Variants in PRKAB2 observed in about 807,000 individuals in gnomAD.
The protein encoded by PRKAB2 is protein kinase AMP-activated non-catalytic subunit beta 2.
PRKAB2 carries 18 observed loss-of-function variants against 29.8 expected under a neutral mutation model. The ratio of observed to expected loss-of-function variants is 0.60; its 90% CI spans 0.42 to 0.89. The LOEUF is 0.89. PRKAB2 is among the 40% of genes least tolerant of loss of function. PRKAB2 has a pLI of 0.00. For synonymous variants in PRKAB2, 136 were observed against 125.9 expected (o/e 1.08, Z -0.54); for missense variants, 270 against 344.3 (o/e 0.78, Z 1.71).
At position 147,161,161 on chromosome 1, in the gene PRKAB2, A is replaced by G. The variant is rs183296718; in HGVS notation, c.741+551T>C. On this transcript the variant is annotated intron_variant, in intron 7 of 7. Coordinates refer to ENST00000254101, the MANE Select transcript of PRKAB2 (RefSeq NM_005399.5). ...AAACCACAAAGACATAACAAGACAG[A>G]ACAGAATGGCTATTTCCAACCCAGA... 2.0e-5 allele frequency among the ~76,000 whole-genome samples: 3 copies of G among 152,282 alleles called. No homozygotes were observed. The East Asian group carries it at 5.8e-4, about 29-fold the overall frequency.
At position 147,172,451 on chromosome 1, in the gene PRKAB2, C is replaced by T. The variant is rs1371038875; in HGVS notation, c.-46G>A. ...CACCTCGGGCGATGCGCTCCCTCCT[C>T]CAAGGGCCACTGATGTGATGGCTGT... is the stretch of plus-strand genomic sequence containing the variant. On this transcript the variant is annotated 5_prime_UTR_variant, in exon 1 of 8. Coordinates refer to ENST00000254101, the MANE Select transcript of PRKAB2 (RefSeq NM_005399.5). 2 of 476,214 alleles carry T rather than the reference C, an allele frequency of 4.2e-6. No homozygotes were observed. Among genetic ancestry groups the T allele is most frequent in the East Asian group, 7.8e-5 (2 of 25,576 alleles). 29.5% of individuals were successfully genotyped at this position (476,214 alleles called of 1,614,324 possible).
At position 147,166,848 on chromosome 1, in the gene PRKAB2, C is replaced by T. The variant is rs1654275709; in HGVS notation, c.415G>A (p.Glu139Lys). 2 of 1,612,978 alleles carry T rather than the reference C, an allele frequency of 1.2e-6. No homozygotes were observed. The highest frequency in any genetic ancestry group is 1.7e-6 in the Non-Finnish European group (2 of 1,178,954). Residue 139 changes from glutamate to lysine, a missense_variant and splice_region_variant, in exon 4 of 8, where the codon GAG becomes AAG. Physicochemically the swap from Glu to Lys is moderately conservative, Grantham distance 56. Coordinates refer to ENST00000254101, the MANE Select transcript of PRKAB2 (RefSeq NM_005399.5). ...VDGQWVHDPSEPVVTSQLGTI... is the reference protein window; with the variant it reads ...VDGQWVHDPSKPVVTSQLGTI... ...ACCCTTGGAGATCAAGGCCTTACCT[C>T]TGATGGATCATGAACCCACTGTCCA...
chr1:147,166,950 A>C lies in PRKAB2; in HGVS notation c.324-11T>G, dbSNP rs1654281084. 2 of 1,609,002 alleles carry C rather than the reference A, an allele frequency of 1.2e-6. No individual in the cohort carries two copies. Among genetic ancestry groups the C allele is most frequent in the African/African-American group, 2.7e-5 (2 of 74,820 alleles). ...ACAAAGTCATTATGGCTACAGAAGAAAAAAGAAAGGCAAACAGGCCAAGTT... is the reference window on the plus strand; with the variant it reads ...ACAAAGTCATTATGGCTACAGAAGACAAAAGAAAGGCAAACAGGCCAAGTT... On this transcript the variant is annotated splice_polypyrimidine_tract_variant and intron_variant, in intron 3 of 7. Transcript: ENST00000254101.
intron 5 of PRKAB2, among the ~76,000 whole-genome samples, chr1:147,164,977 T>A (rs1473636806): frequency 6.6e-6 from 1 of 152,206 alleles, no homozygotes; most frequent in Non-Finnish European, 1.5e-5. Flanking sequence ...ATGCCCAATT[T>A]AACCTTCTGA....
rs1553914549 is a variant in PRKAB2, at chr1:147,172,134, G to A, written c.11C>T (p.Thr4Ile). 4 of 1,550,450 alleles carry A rather than the reference G, an allele frequency of 2.6e-6. No individual in the cohort carries two copies. Among genetic ancestry groups the A allele is most frequent in the Non-Finnish European group, 3.5e-6 (4 of 1,147,924 alleles). The change falls in exon 2 of 8, where the codon ACC becomes ATC. Residue 4 changes from threonine to isoleucine, a missense_variant. By Grantham distance (89) the Thr-to-Ile change is moderately conservative (BLOSUM62 -1). Transcript: ENST00000254101. MGN[T>I]TSDRVSGERH... ...CTCCCCGGACACCCGGTCGCTGGTG[G>A]TGTTTCCCATGGCTGCAGCTCGTCG...
At chr1:147,163,808 GT>G (rs1654094292) in intron 5 of PRKAB2, among the ~76,000 whole-genome samples, 1 of 151,942 alleles carries the variant, frequency 6.6e-6, no homozygotes, top group South Asian at 2.1e-4. Context: ...AAATTACTGA[GT>G]TGTACAATTT....
In PRKAB2 at chr1:147,160,574, T is replaced by G. The variant is rs1553912951; in HGVS notation, c.742-932A>C. Among the ~76,000 whole-genome samples, 3 of 152,184 alleles carry G rather than the reference T, an allele frequency of 2.0e-5. No individual in the cohort carries two copies. In the East Asian group the frequency reaches 5.8e-4, roughly 29 times the overall value. Reference sequence around the variant, plus strand: ...CCCGTACTGTATTATCCACCATGAATGCTTCTCGGGTTAACACTCCAGAGT... The same window carrying G: ...CCCGTACTGTATTATCCACCATGAAGGCTTCTCGGGTTAACACTCCAGAGT... On this transcript the variant is annotated intron_variant, in intron 7 of 7. Coordinates refer to ENST00000254101, the MANE Select transcript of PRKAB2 (RefSeq NM_005399.5).
rs587609105 is a variant in PRKAB2, at chr1:147,157,487, A to G, written c.*2078T>C. ...CATTTCACAAAAGCCTCAGGCCTGA[A>G]AGAAATCGAAGAGATCTCTTTTCCT... is the stretch of plus-strand genomic sequence containing the variant. On this transcript the variant is annotated 3_prime_UTR_variant, in exon 8 of 8. Transcript: ENST00000254101. 2 of 152,316 alleles carry G rather than the reference A, an allele frequency of 1.3e-5. No homozygotes were observed. The highest frequency in any genetic ancestry group is 4.8e-5 in the African/African-American group (2 of 41,570). The allele number at this position is 152,316 out of a possible 1,614,324, so 9.4% of individuals were successfully genotyped here. A position where few individuals can be genotyped will look rare whatever the true frequency, so the allele number is the denominator to read the frequency against.
At chr1:147,169,609 C>G (rs1654419399) in intron 2 of PRKAB2, among the ~76,000 whole-genome samples, 1 of 152,016 alleles carries the variant, frequency 6.6e-6, no homozygotes. Flanking sequence ...GAGGTACATC[C>G]TAAAATGTTA....
chr1:147,166,127 C>A (rs1553913646), intron 5 of PRKAB2, among the ~76,000 whole-genome samples: 1 of 152,156 alleles, frequency 6.6e-6, no homozygotes, highest in African/African-American at 2.4e-5. Context: ...AAACAAACTA[C>A]ACACATGTAT....
At chr1:147,161,112 C>T (rs1260640838) in intron 7 of PRKAB2, among the ~76,000 whole-genome samples, 1 of 152,078 alleles carries the variant, frequency 6.6e-6, no homozygotes, top group Non-Finnish European at 1.5e-5. Flanking sequence ...AACTGCAGAG[C>T]TATATAACTT....
rs1053826692 is a variant in PRKAB2, at chr1:147,166,632, T to C, written c.418-14A>G. 7 of 1,606,106 alleles carry C rather than the reference T, an allele frequency of 4.4e-6. No individual in the cohort carries two copies. In the African/African-American group the frequency reaches 6.7e-5, roughly 15 times the overall value. Reference sequence around the variant, plus strand: ...GGTAACCACAGGCTGAAACAGTGAATAGAAAAAATTATTGAATCTCTCTTT... The same window carrying C: ...GGTAACCACAGGCTGAAACAGTGAACAGAAAAAATTATTGAATCTCTCTTT... On this transcript the variant is annotated splice_polypyrimidine_tract_variant and intron_variant, in intron 4 of 7. Transcript: ENST00000254101.
chr1:147,166,675 T>C (rs1457337297), intron 4 of PRKAB2, 57 bp from the exon 5 acceptor site: 20 of 1,596,022 alleles, frequency 1.3e-5, no homozygotes, highest in Non-Finnish European at 1.6e-5. Context: ...ATCTCTTCCA[T>C]CCAACCTTCC....
rs911938916 is a variant in PRKAB2, at chr1:147,167,955, C to T, written c.157-22G>A. ...GGAGCTGTAAGAAGGAGTAGGTCAT[C>T]CCTAGAATAAACTGTGACCCAAGAA... is the stretch of plus-strand genomic sequence containing the variant. On this transcript the variant is annotated intron_variant, in intron 2 of 7. Coordinates refer to ENST00000254101, the MANE Select transcript of PRKAB2 (RefSeq NM_005399.5). The T allele has an allele frequency of 3.1e-6, 5 of 1,598,582 alleles. No homozygotes were observed. In the East Asian group the frequency reaches 9.0e-5, roughly 29 times the overall value.
intron 7 of PRKAB2, among the ~76,000 whole-genome samples, chr1:147,161,452 G>A (rs1380245617): frequency 6.6e-6 from 1 of 152,098 alleles, no homozygotes; most frequent in African/African-American, 2.4e-5. Context: ...AACAGTTAGT[G>A]TAAAGATTCT....
rs186753674 is a variant in PRKAB2, at chr1:147,156,275, C to T, written c.*3290G>A. 2.6e-5 allele frequency: 4 copies of T among 152,646 alleles called. No individual in the cohort carries two copies. Among genetic ancestry groups the T allele is most frequent in the South Asian group, 4.1e-4 (2 of 4,830 alleles). The allele number at this position is 152,646 out of a possible 1,614,324, so 9.5% of individuals were successfully genotyped here. A position where few individuals can be genotyped will look rare whatever the true frequency, so the allele number is the denominator to read the frequency against. ...TTAGTTGAGGTCAAAATTATTAAAG[C>T]CCTATTTCCCCAATTAAAAGCAAGG... is the stretch of plus-strand genomic sequence containing the variant. On this transcript the variant is annotated 3_prime_UTR_variant, in exon 8 of 8. Transcript: ENST00000254101.
chr1:147,172,255 G>T, intron 1 of PRKAB2, 88 bp from the exon 2 acceptor site: 1 of 1,371,534 alleles, frequency 7.3e-7, no homozygotes, highest in Non-Finnish European at 9.6e-7. Context: ...CTCGGGACAG[G>T]GCAAGGGATT....
chr1:147,170,869 T>G (rs587762086), intron 2 of PRKAB2, among the ~76,000 whole-genome samples: 61 of 152,292 alleles, frequency 4.0e-4, no homozygotes, highest in African/African-American at 1.5e-3. Flanking sequence ...GGCGTGAGCC[T>G]CTGCGCCAGG....
chr1:147,164,759 T>C (rs2101622879), intron 5 of PRKAB2, among the ~76,000 whole-genome samples: 1 of 152,322 alleles, frequency 6.6e-6, no homozygotes, highest in East Asian at 1.9e-4. Context: ...AAAAATGGAT[T>C]ATAAGCGTTA....
Sources: gnomAD v4.1 joint callset for allele counts (sites outside exome capture counted in the v4.1 genomes callset) on GRCh38, gnomAD v4.1.1 for gene constraint, MANE v1.5 for transcripts, NCBI Gene and HGNC (gene_info 2026-07-23, HGNC 2026-07-21) for gene names.